The following RUNX1T1 variants were observed in gnomAD, a reference collection of about 807,000 sequenced individuals.
The protein encoded by RUNX1T1 is protein CBFA2T1.
RUNX1T1 carries 4 observed loss-of-function variants against 62.8 expected under a neutral mutation model. The observed-to-expected ratio is 0.06, with a 90% CI of 0.03 to 0.15. The LOEUF is 0.15. Ranked by LOEUF, RUNX1T1 falls within the 10% of genes least tolerant of loss-of-function variation. The pLI is 1.00. For synonymous variants in RUNX1T1, 291 were observed against 286.0 expected (o/e 1.02, Z -0.18); for missense variants, 508 against 754.3 (o/e 0.67, Z 3.82).
intron 1 of RUNX1T1, among the ~76,000 whole-genome samples, chr8:92,037,967 C>T (rs1032490122): frequency 4.6e-5 from 7 of 152,140 alleles, no homozygotes; most frequent in Admixed American, 4.6e-4. Flanking sequence ...TGGAATCAAT[C>T]CTCTCCTGAC....
chr8:92,088,712 A>C (rs2130881077), intron 1 of RUNX1T1, among the ~76,000 whole-genome samples: 1 of 152,266 alleles, frequency 6.6e-6, no homozygotes, highest in South Asian at 2.1e-4. Context: ...TCTCACAGCT[A>C]GTTCTCTCTC....
At chr8:92,005,267 G>C in exon 5 of RUNX1T1, 1 of 1,612,816 alleles carries the variant, frequency 6.2e-7, no homozygotes, top group Non-Finnish European at 8.5e-7. Flanking sequence ...GCGCAGTGGA[G>C]GAGCTCACGC....
chr8:92,099,044 T>G (rs565983483), intron 1 of RUNX1T1, among the ~76,000 whole-genome samples: 1 of 152,328 alleles, frequency 6.6e-6, no homozygotes, highest in East Asian at 1.9e-4. Context: ...CTGGATAAAA[T>G]GTTCCCACTG....
chr8:92,069,358 G>T (rs1038337555), intron 2 of RUNX1T1, among the ~76,000 whole-genome samples: 4 of 151,698 alleles, frequency 2.6e-5, no homozygotes, highest in African/African-American at 9.7e-5. Context: ...CATTAACAAG[G>T]ATTAAAACAC....
At chr8:92,047,731 CTGTACTAGGCACT>C (rs762860292) in intron 1 of RUNX1T1, among the ~76,000 whole-genome samples, 131 of 151,092 alleles carry the variant, frequency 8.7e-4, no homozygotes, top group Non-Finnish European at 1.8e-3. Flanking sequence ...GTGTAAAACA[CTGTACTAGGCACT>C]ATGGATTTAA....
upstream of RUNX1T1, among the ~76,000 whole-genome samples, chr8:92,066,762 G>GT: frequency 6.6e-6 from 1 of 152,254 alleles, no homozygotes; most frequent in African/African-American, 2.4e-5. Context: ...AACACAAATG[G>GT]TTTATGTTTT....
chr8:92,011,077 T>C, exon 4 of RUNX1T1: 1 of 1,602,500 alleles, frequency 6.2e-7, no homozygotes, highest in Non-Finnish European at 8.5e-7. Flanking sequence ...ATTCTTCAAT[T>C]GTCAAAGTGG....
intron 1 of RUNX1T1, among the ~76,000 whole-genome samples, chr8:92,036,808 T>A (rs1563815737): frequency 6.6e-6 from 1 of 152,214 alleles, no homozygotes. Context: ...GTCAGCACAG[T>A]TAACCTTCAG....
chr8:92,062,864 C>A, exon 1 of RUNX1T1: 4 of 1,392,296 alleles, frequency 2.9e-6, no homozygotes, highest in Non-Finnish European at 2.8e-6. Flanking sequence ...ACAACCCCTA[C>A]CCTCCCCTTA....
intron 2 of RUNX1T1, among the ~76,000 whole-genome samples, chr8:92,015,816 C>T (rs1822876748): frequency 6.6e-6 from 1 of 152,176 alleles, no homozygotes; most frequent in Admixed American, 6.5e-5. Flanking sequence ...AAATGGTTCT[C>T]TTGTCACAAC....
chr8:92,053,870 T>A (rs1159421469), intron 1 of RUNX1T1, among the ~76,000 whole-genome samples: 1 of 152,136 alleles, frequency 6.6e-6, no homozygotes, highest in Non-Finnish European at 1.5e-5. Flanking sequence ...AAAATCAAGA[T>A]CTGAACATAA....
At chr8:92,047,845 A>T (rs1011517947) in intron 1 of RUNX1T1, among the ~76,000 whole-genome samples, 6 of 152,128 alleles carry the variant, frequency 3.9e-5, no homozygotes, top group Non-Finnish European at 8.8e-5. Context: ...ATTTTAGGAC[A>T]CCACACCCAC....
intron 1 of RUNX1T1, among the ~76,000 whole-genome samples, chr8:92,043,144 C>T (rs1484880288): frequency 6.6e-6 from 1 of 152,164 alleles, no homozygotes; most frequent in Non-Finnish European, 1.5e-5. Flanking sequence ...GAATTTCAAT[C>T]TATACATATT....
intron 5 of RUNX1T1, among the ~76,000 whole-genome samples, chr8:91,994,271 C>T (rs2130909504): frequency 6.6e-6 from 1 of 152,240 alleles, no homozygotes; most frequent in South Asian, 2.1e-4. Context: ...TACCTAATTG[C>T]ATTGCTTTAA....
chr8:92,094,983 G>A, intron 1 of RUNX1T1: 2 of 1,438,902 alleles, frequency 1.4e-6, no homozygotes, highest in Non-Finnish European at 1.9e-6. Context: ...ATTCAGACTG[G>A]CAAAACTAAA....
chr8:92,013,749 G>T (rs778255178), intron 3 of RUNX1T1, among the ~76,000 whole-genome samples: 1 of 152,158 alleles, frequency 6.6e-6, no homozygotes, highest in African/African-American at 2.4e-5. Flanking sequence ...TGTGCAGAAC[G>T]TAGTGTAATA....
intron 1 of RUNX1T1, chr8:92,081,220 T>C (rs1476868668): frequency 2.3e-6 from 2 of 867,896 alleles, no homozygotes; most frequent in Non-Finnish European, 2.8e-6. Flanking sequence ...AGATAATACT[T>C]GTAAAGCGCC....
chr8:92,095,465 C>G, intron 1 of RUNX1T1: 1 of 1,534,474 alleles, frequency 6.5e-7, no homozygotes, highest in African/African-American at 1.4e-5. Flanking sequence ...CAGGATGGCA[C>G]ATTGTGTGTG....
upstream of RUNX1T1, chr8:92,102,788 T>C (rs1838098998): frequency 2.8e-6 from 4 of 1,420,006 alleles, no homozygotes; most frequent in Admixed American, 7.9e-5. The surrounding 1 kb of genome is among the most constrained non-coding windows in gnomAD (Gnocchi z 4.5). Flanking sequence ...ATCGGAACAG[T>C]AATTAATAAC....
Sources: gnomAD v4.1 joint callset for allele counts (sites outside exome capture counted in the v4.1 genomes callset) on GRCh38, gnomAD v4.1.1 for gene constraint, Gnocchi (gnomAD v3.1) non-coding constraint, MANE v1.5 for transcripts, NCBI Gene and HGNC (gene_info 2026-07-23, HGNC 2026-07-21) for gene names.